SORCS2: variants seen among roughly 807,000 people sequenced by gnomAD.
SORCS2 encodes the protein VPS10 domain-containing receptor SorCS2.
A neutral mutation model predicts 141.6 loss-of-function variants in SORCS2; 100 were observed. That is an observed-to-expected ratio of 0.71 (90% CI 0.60 to 0.83). The LOEUF (loss-of-function observed/expected upper bound fraction) is 0.83, where lower values mean the gene tolerates loss of function less well. Ranked by LOEUF, SORCS2 falls within the 40% of genes least tolerant of loss-of-function variation. The pLI is 0.00. For synonymous variants in SORCS2, 789 were observed against 676.9 expected (o/e 1.17, Z -2.57); for missense variants, 1,646 against 1,560.2 (o/e 1.05, Z -0.93).
In SORCS2 at chr4:7,381,571, T is replaced by C. The variant is rs571005040; in HGVS notation, c.481-14717T>C. ...TGTGGTGTCCCTGGCGGAGGGAGGG[T>C]GGCTGTGCAGGTGTGGATGGATAAG... is the stretch of plus-strand genomic sequence containing the variant. On this transcript the variant is annotated intron_variant, in intron 1 of 26. Transcript: ENST00000507866. Among the ~76,000 whole-genome samples the C allele has an allele frequency of 2.6e-5, 4 of 152,064 alleles. No individual in the cohort carries two copies. The East Asian group carries it at 5.8e-4, about 22-fold the overall frequency.
chr4:7,563,895 G>T (rs870013), intron 3 of SORCS2, among the ~76,000 whole-genome samples: 118,954 of 152,118 alleles, frequency 0.78, 46,650 homozygotes, highest in East Asian at 0.9. Context: ...GAGAACAATT[G>T]GGCTAAAATT....
At chr4:7,628,345 C>T (rs1316906903) in intron 3 of SORCS2, among the ~76,000 whole-genome samples, 2 of 152,022 alleles carry the variant, frequency 1.3e-5, no homozygotes, top group Non-Finnish European at 2.9e-5. Flanking sequence ...TGGAGAAACC[C>T]CATCTCTACT....
At chr4:7,319,286 G>A (rs1470753513) in intron 1 of SORCS2, among the ~76,000 whole-genome samples, 7 of 152,222 alleles carry the variant, frequency 4.6e-5, no homozygotes, top group African/African-American at 1.7e-4. Context: ...TCTTTCATCA[G>A]GCTCTGAGTG....
chr4:7,498,241 A>G (rs1419095007), intron 2 of SORCS2, among the ~76,000 whole-genome samples: 1 of 152,144 alleles, frequency 6.6e-6, no homozygotes, highest in Non-Finnish European at 1.5e-5. Flanking sequence ...CCAACCTCTC[A>G]CGCCCAGGAC....
At chr4:7,312,002 A>G (rs935876671) in intron 1 of SORCS2, among the ~76,000 whole-genome samples, 8 of 152,094 alleles carry the variant, frequency 5.3e-5, no homozygotes, top group Non-Finnish European at 1.2e-4. Flanking sequence ...CAGCCTCCCA[A>G]GTAGCTGGGA....
chr4:7,530,317 C>T (rs142193265), intron 2 of SORCS2, among the ~76,000 whole-genome samples: 152 of 152,364 alleles, frequency 1.0e-3, no homozygotes, highest in African/African-American at 3.4e-3. Flanking sequence ...GGCTCAGAGC[C>T]AGGTGCTGGG....
At chr4:7,616,435 C>T (rs1287307645) in intron 3 of SORCS2, among the ~76,000 whole-genome samples, 1 of 152,304 alleles carries the variant, frequency 6.6e-6, no homozygotes, top group South Asian at 2.1e-4. Flanking sequence ...ATCCTCCATC[C>T]ATCCATCCAC....
chr4:7,221,174 ATAT>A (rs1320697622), intron 1 of SORCS2, among the ~76,000 whole-genome samples: 1 of 152,114 alleles, frequency 6.6e-6, no homozygotes, highest in African/African-American at 2.4e-5. Context: ...TTGTGGGCAA[ATAT>A]TATCACCTTT....
intron 2 of SORCS2, among the ~76,000 whole-genome samples, chr4:7,507,741 T>C (rs1227631527): frequency 9.5e-6 from 1 of 105,134 alleles, no homozygotes. Context: ...CATTTTGTAC[T>C]TCCAATGGGG....
At chr4:7,608,716 T>C (rs1364508683) in intron 3 of SORCS2, among the ~76,000 whole-genome samples, 1 of 152,336 alleles carries the variant, frequency 6.6e-6, no homozygotes, top group Admixed American at 6.5e-5. Flanking sequence ...ATCTGTGGGC[T>C]GCCCTCCGGT....
intron 11 of SORCS2, among the ~76,000 whole-genome samples, chr4:7,696,925 C>A (rs1724748812): frequency 6.6e-6 from 1 of 152,240 alleles, no homozygotes; most frequent in African/African-American, 2.4e-5. Flanking sequence ...TATTTGTGGA[C>A]CACACTGGTG....
rs1024457257 is a variant in SORCS2, at chr4:7,539,751, C to T, written c.648+8122C>T. 1.5e-3 allele frequency among the ~76,000 whole-genome samples: 204 copies of T among 135,114 alleles called. 5 individuals carry two copies. The highest frequency in any genetic ancestry group is 2.3e-3 in the East Asian group (9 of 3,974). 88.6% of individuals were successfully genotyped at this position (135,114 alleles called of 152,430 possible). On this transcript the variant is annotated intron_variant, in intron 3 of 26. Coordinates refer to ENST00000507866, the MANE Select transcript of SORCS2 (RefSeq NM_020777.3). ...CCCTTCCTGCTGTGGCGGCCCCACC[C>T]CATCCCTGCTGTGAGGGCCCCACCC... is the stretch of plus-strand genomic sequence containing the variant.
At chr4:7,518,310 C>G (rs1316745810) in intron 2 of SORCS2, among the ~76,000 whole-genome samples, 1 of 152,150 alleles carries the variant, frequency 6.6e-6, no homozygotes, top group Non-Finnish European at 1.5e-5. Flanking sequence ...TGATCTCAAG[C>G]CCAGTCTCTG....
At chr4:7,715,456 C>T (rs74719223) in intron 17 of SORCS2, 145 bp downstream of exon 17, 4 of 1,229,016 alleles carry the variant, frequency 3.3e-6, no homozygotes, top group South Asian at 1.5e-5. Flanking sequence ...TGAGGATGCC[C>T]CACGCTCACA....
chr4:7,582,685 A>T (rs1716241200), intron 3 of SORCS2, among the ~76,000 whole-genome samples: 1 of 152,202 alleles, frequency 6.6e-6, no homozygotes, highest in African/African-American at 2.4e-5. Context: ...CAATTAAAGG[A>T]TATAAAAAAT....
Position 7,659,830 on chromosome 4 carries a change from C to G in SORCS2, c.888-1670C>G, listed in dbSNP as rs149009973. ...GTGGGGCAGCTGTACTTCTCCCCCC[C>G]ACCACTGTCCCTTCACTGTATTATT... On this transcript the variant is annotated intron_variant, in intron 5 of 26. Transcript: ENST00000507866. Among the ~76,000 whole-genome samples the G allele has an allele frequency of 1.6e-3, 245 of 152,320 alleles. 1 individual carries two copies. Among genetic ancestry groups the G allele is most frequent in the African/African-American group, 4.5e-3 (185 of 41,572 alleles).
chr4:7,661,840 C>G (rs1369448810), intron 6 of SORCS2, among the ~76,000 whole-genome samples: 2 of 152,180 alleles, frequency 1.3e-5, no homozygotes, highest in Non-Finnish European at 2.9e-5. Context: ...GCCCACCACC[C>G]CTGGCATGTG....
chr4:7,723,333 T>G (rs1248272367), intron 18 of SORCS2, among the ~76,000 whole-genome samples: 1 of 152,092 alleles, frequency 6.6e-6, no homozygotes, highest in Non-Finnish European at 1.5e-5. Flanking sequence ...CCCCTCACCT[T>G]CCTGGCTCCA....
intron 1 of SORCS2, among the ~76,000 whole-genome samples, chr4:7,236,416 A>G (rs1020243495): frequency 4.6e-5 from 7 of 152,028 alleles, no homozygotes; most frequent in African/African-American, 1.7e-4. Flanking sequence ...TATTGGCAGC[A>G]GGAGAGTGAG....
Sources: allele counts gnomAD v4.1 joint callset (sites outside exome capture counted in the v4.1 genomes callset), GRCh38; gene constraint gnomAD v4.1.1; transcripts MANE v1.5; gene names NCBI Gene and HGNC (gene_info 2026-07-23, HGNC 2026-07-21).